GALNTL6: variants seen among roughly 807,000 people sequenced by gnomAD.
The protein encoded by GALNTL6 is polypeptide N-acetylgalactosaminyltransferase like 6.
GALNTL6 carries 46 observed loss-of-function variants against 73.7 expected under a neutral mutation model. The observed-to-expected ratio is 0.62, with a 90% CI of 0.49 to 0.80. GALNTL6 has a LOEUF of 0.80. GALNTL6 is among the 30% of genes least tolerant of loss of function. The pLI, the probability that GALNTL6 is intolerant of heterozygous loss-of-function variation, is 0.00. For missense variants in GALNTL6, 604 were observed against 755.0 expected (o/e 0.80, Z 2.34); for synonymous variants, 259 against 263.7 (o/e 0.98, Z 0.17).
At chr4:172,951,092 C>T (rs143304588) in intron 9 of GALNTL6, among the ~76,000 whole-genome samples, 2 of 152,324 alleles carry the variant, frequency 1.3e-5, no homozygotes, top group African/African-American at 4.8e-5. Flanking sequence ...GTGGCCAGCC[C>T]AACACCCAGG....
chr4:172,248,932 T>G (rs528766257), intron 3 of GALNTL6, among the ~76,000 whole-genome samples: 1 of 152,278 alleles, frequency 6.6e-6, no homozygotes, highest in East Asian at 1.9e-4. Context: ...TTACCCAGTC[T>G]CAGGTATTTC....
chr4:172,776,075 G>T (rs558498149), intron 5 of GALNTL6, among the ~76,000 whole-genome samples: 2 of 152,152 alleles, frequency 1.3e-5, no homozygotes, highest in Admixed American at 6.5e-5. Flanking sequence ...TCTAATCATA[G>T]GATCCAGTCA....
intron 5 of GALNTL6, among the ~76,000 whole-genome samples, chr4:172,546,570 C>T: frequency 6.6e-6 from 1 of 151,434 alleles, no homozygotes; most frequent in South Asian, 2.1e-4. Flanking sequence ...TTCTTGCCTT[C>T]CAACCATGAT....
chr4:172,445,235 A>G (rs1731977699), intron 5 of GALNTL6, among the ~76,000 whole-genome samples: 1 of 152,146 alleles, frequency 6.6e-6, no homozygotes, highest in African/African-American at 2.4e-5. Context: ...ATTTATGATA[A>G]CGCTATGTCA....
chr4:172,451,815 G>A (rs1561089247), intron 5 of GALNTL6, among the ~76,000 whole-genome samples: 1 of 152,062 alleles, frequency 6.6e-6, no homozygotes. Flanking sequence ...AGACCAGCCT[G>A]GGAAACATGG....
chr4:173,009,315 C>A (rs769186550), intron 11 of GALNTL6, 21 bp downstream of exon 11: 2 of 1,489,234 alleles, frequency 1.3e-6, no homozygotes, highest in Admixed American at 1.7e-5. Flanking sequence ...TCCCAGAAGC[C>A]AGGGCAGTGG....
At chr4:172,264,923 A>G (rs1430957616) in intron 3 of GALNTL6, among the ~76,000 whole-genome samples, 1 of 151,536 alleles carries the variant, frequency 6.6e-6, no homozygotes, top group East Asian at 1.9e-4. Context: ...TGCAACCACA[A>G]AAGAGATGGA....
At position 172,040,204 on chromosome 4, in the gene GALNTL6, C is replaced by T. The variant is rs538446251; in HGVS notation, c.139-189452C>T. Among the ~76,000 whole-genome samples the T allele has an allele frequency of 8.9e-5, 10 of 111,862 alleles. No individual in the cohort carries two copies. In the South Asian group the frequency reaches 1.8e-3, roughly 20 times the overall value. 73.4% of individuals were successfully genotyped at this position (111,862 alleles called of 152,430 possible). ...AATAATCATTGCACTTTCTGGATCA[C>T]GCTATGAAAGACATTTTGTGTATCA... On this transcript the variant is annotated intron_variant, in intron 2 of 12. Coordinates refer to ENST00000506823, the MANE Select transcript of GALNTL6 (RefSeq NM_001034845.3).
chr4:172,168,527 G>A (rs1440822679), intron 2 of GALNTL6, among the ~76,000 whole-genome samples: 1 of 152,174 alleles, frequency 6.6e-6, no homozygotes, highest in Non-Finnish European at 1.5e-5. Flanking sequence ...TGATGCTAGT[G>A]TTGGTAATGT....
chr4:172,838,697 A>G (rs1192265553), intron 7 of GALNTL6, among the ~76,000 whole-genome samples: 1 of 152,170 alleles, frequency 6.6e-6, no homozygotes, highest in Non-Finnish European at 1.5e-5. Flanking sequence ...TGCTTTCCCC[A>G]TCTTTCACCC....
At chr4:172,420,733 T>A (rs1441659089) in intron 5 of GALNTL6, among the ~76,000 whole-genome samples, 3 of 152,116 alleles carry the variant, frequency 2.0e-5, no homozygotes, top group African/African-American at 7.2e-5. Flanking sequence ...ATTGCAGCAC[T>A]ATTTACAACA....
rs1387322076 is a variant in GALNTL6, at chr4:173,041,455, A to G, written c.*1355A>G. On this transcript the variant is annotated 3_prime_UTR_variant, in exon 13 of 13. Coordinates refer to ENST00000506823, the MANE Select transcript of GALNTL6 (RefSeq NM_001034845.3). ...TTCTTGGGAAAAAAGAATCATGTTT[A>G]TTATATATCTCTCAAGTTTTTTTGG... 6.6e-6 allele frequency: 1 copy of G among 152,134 alleles called. No homozygotes were observed. The highest frequency in any genetic ancestry group is 2.4e-5 in the African/African-American group (1 of 41,438). The allele number at this position is 152,134 out of a possible 1,614,324, so 9.4% of individuals were successfully genotyped here.
chr4:172,881,183 GA>G (rs1671721329), intron 7 of GALNTL6, among the ~76,000 whole-genome samples: 1 of 152,150 alleles, frequency 6.6e-6, no homozygotes, highest in South Asian at 2.1e-4. Context: ...GTTCTTTGGG[GA>G]ACTGCACTCG....
chr4:172,365,480 C>T (rs4385013), intron 5 of GALNTL6, among the ~76,000 whole-genome samples: 61,123 of 151,828 alleles, frequency 0.4, 14,913 homozygotes, highest in South Asian at 0.66. Flanking sequence ...TCCAAGATGG[C>T]GATGCTCCTG....
At chr4:172,599,760 G>A (rs1420411689) in intron 5 of GALNTL6, among the ~76,000 whole-genome samples, 2 of 151,996 alleles carry the variant, frequency 1.3e-5, no homozygotes, top group Admixed American at 6.6e-5. Context: ...AAGTCATTGC[G>A]TTTTTTGACA....
At chr4:172,431,076 T>C (rs888830243) in intron 5 of GALNTL6, among the ~76,000 whole-genome samples, 14 of 152,316 alleles carry the variant, frequency 9.2e-5, no homozygotes, top group Non-Finnish European at 2.1e-4. Flanking sequence ...TTGTTTATGA[T>C]GTGATATATG....
chr4:172,720,932 G>A (rs1735432252), intron 5 of GALNTL6, among the ~76,000 whole-genome samples: 1 of 152,128 alleles, frequency 6.6e-6, no homozygotes, highest in South Asian at 2.1e-4. Context: ...TACTTTTCAT[G>A]GTTGATTCCT....
chr4:171,974,804 A>T (rs1055019021), intron 2 of GALNTL6, among the ~76,000 whole-genome samples: 10 of 152,370 alleles, frequency 6.6e-5, no homozygotes, highest in African/African-American at 2.4e-4. Flanking sequence ...AATAAAAATT[A>T]CGTAATTTTT....
intron 2 of GALNTL6, among the ~76,000 whole-genome samples, chr4:172,102,112 T>C (rs1020996887): frequency 2.0e-5 from 3 of 152,294 alleles, no homozygotes; most frequent in East Asian, 3.9e-4. Context: ...AAAACTTCGG[T>C]TGTAAGCAGT....
Sources: allele counts gnomAD v4.1 joint callset (sites outside exome capture counted in the v4.1 genomes callset), GRCh38; gene constraint gnomAD v4.1.1; transcripts MANE v1.5; gene names NCBI Gene and HGNC (gene_info 2026-07-23, HGNC 2026-07-21).